Variants in ABR observed in about 807,000 individuals in gnomAD.
ABR encodes the protein ABR activator of RhoGEF and GTPase.
Under a neutral mutation model 107.2 loss-of-function variants are expected in ABR, and 35 were observed. That is an observed-to-expected ratio of 0.33 (90% CI 0.25 to 0.43). ABR has a LOEUF of 0.43. Among genes scored for constraint, ABR ranks in the 20% least tolerant of loss-of-function variants. The pLI is 1.00. For synonymous variants in ABR, 498 were observed against 462.0 expected (o/e 1.08, Z -1.00); for missense variants, 815 against 1,115.2 (o/e 0.73, Z 3.83).
intron 13 of ABR, 74 bp from the exon 14 acceptor site, chr17:1,056,183 A>G: frequency 7.5e-7 from 1 of 1,324,910 alleles, no homozygotes; most frequent in Non-Finnish European, 1.1e-6. Context: ...GGCCGGCGGG[A>G]GGCAGACGGG....
intron 1 of ABR, among the ~76,000 whole-genome samples, chr17:1,221,674 G>A (rs1384813632): frequency 4.6e-5 from 7 of 152,286 alleles, no homozygotes; most frequent in Admixed American, 2.0e-4. Context: ...AAGTCAAGGC[G>A]GGAGGGCTCT....
chr17:1,029,781 GGC>G (rs2072557001), intron 16 of ABR, among the ~76,000 whole-genome samples: 1 of 92,794 alleles, frequency 1.1e-5, no homozygotes, highest in Admixed American at 1.5e-4. Context: ...GGAAGCACAG[GGC>G]AGACGTCCCT....
At chr17:1,036,578 C>T (rs529326974) in intron 16 of ABR, among the ~76,000 whole-genome samples, 2 of 151,300 alleles carry the variant, frequency 1.3e-5, no homozygotes, top group South Asian at 2.1e-4. Flanking sequence ...TGCCCAAAGA[C>T]AGGTGCAGGC....
Position 1,092,600 on chromosome 17 carries a change from A to G in ABR, c.346-750T>C, listed in dbSNP as rs1040340600. On this transcript the variant is annotated intron_variant, in intron 3 of 22. Coordinates refer to ENST00000302538, the MANE Select transcript of ABR (RefSeq NM_021962.5). This position sits in a 1 kb window ranked among gnomAD's most constrained non-coding sequence, Gnocchi z 4.6. ...CCGGGAGCTGATGCCATCACCTTCCAGCCTAGCAGTGGGACCGTGGGATAA... is the reference window on the plus strand; with the variant it reads ...CCGGGAGCTGATGCCATCACCTTCCGGCCTAGCAGTGGGACCGTGGGATAA... Among the ~76,000 whole-genome samples, 45 of 152,278 alleles carry G rather than the reference A, an allele frequency of 3.0e-4. No individual in the cohort carries two copies. The highest frequency in any genetic ancestry group is 8.9e-4 in the African/African-American group (37 of 41,564).
At chr17:1,069,246 C>T (rs985596543) in intron 9 of ABR, among the ~76,000 whole-genome samples, 6 of 152,170 alleles carry the variant, frequency 3.9e-5, no homozygotes, top group African/African-American at 1.4e-4. Context: ...AGTCGGACCT[C>T]ATGCTTCAGT....
intron 1 of ABR, among the ~76,000 whole-genome samples, chr17:1,202,063 G>A (rs1023803926): frequency 6.6e-6 from 1 of 152,202 alleles, no homozygotes; most frequent in South Asian, 2.1e-4. Flanking sequence ...AGAGCAGCTA[G>A]ATTAAGAGAA....
rs779785651 is a variant in ABR, at chr17:1,051,966, C to T, written c.1562-1332G>A. 5.9e-5 allele frequency among the ~76,000 whole-genome samples: 9 copies of T among 151,758 alleles called. No individual in the cohort carries two copies. The highest frequency in any genetic ancestry group is 3.3e-4 in the Admixed American group (5 of 15,236). ...GCACATGCCTGTAGTCCCAGCTACT[C>T]GGGAGGCTGAGGCAGGACAATCGCT... On this transcript the variant is annotated intron_variant, in intron 14 of 22. Transcript: ENST00000302538. The surrounding 1 kb of genome is among the most constrained non-coding windows in gnomAD (Gnocchi z 4.3).
chr17:1,223,305 A>ACACACACACACACACG (rs1491223135), intron 1 of ABR, among the ~76,000 whole-genome samples: 1 of 23,662 alleles, frequency 4.2e-5, no homozygotes, highest in African/African-American at 1.2e-3. Context: ...ATCAGTAACA[A>ACACACACACACACACG]CACACACACA....
rs1476670673 is a variant in ABR, at chr17:1,009,757, T to C, written c.2264A>G (p.Asn755Ser). ...IALSDPAAKE[N>S]CMMHLLRSLP... ...GGAGCGGAGCAGGTGCATCATGCAG[T>C]TTTCCTTGGCAGCAGGGTCTGACAG... Residue 755 changes from asparagine to serine, a missense_variant, in exon 21 of 23, where the codon AAC becomes AGC. Asn to Ser is a conservative substitution (Grantham distance 46). Transcript: ENST00000302538. The C allele has an allele frequency of 1.2e-6, 2 of 1,613,902 alleles. No individual in the cohort carries two copies.
intron 1 of ABR, among the ~76,000 whole-genome samples, chr17:1,205,866 C>T (rs1444102115): frequency 6.6e-6 from 1 of 152,130 alleles, no homozygotes; most frequent in Non-Finnish European, 1.5e-5. Flanking sequence ...TCACTTGAAC[C>T]AGGAGGTGGC....
At chr17:1,121,943 C>A (rs1040552079) in intron 2 of ABR, among the ~76,000 whole-genome samples, 1 of 152,202 alleles carries the variant, frequency 6.6e-6, no homozygotes, top group Non-Finnish European at 1.5e-5. Context: ...CGCTTTGTCA[C>A]CCAGGCTGGA....
chr17:1,072,868 C>G (rs2035354627), intron 7 of ABR, 114 bp from the exon 8 acceptor site: 2 of 1,341,618 alleles, frequency 1.5e-6, no homozygotes, highest in South Asian at 2.9e-5. Context: ...CTGCCTAATT[C>G]CCGCAAAATC....
At position 1,027,150 on chromosome 17, in the gene ABR, C is replaced by T. The variant is rs543577138; in HGVS notation, c.1792-13986G>A. ...GTACTACAGCAACACTGGGCTCAGG[C>T]AGCTTTGGCCTTTGAGGAACCCCCT... On this transcript the variant is annotated intron_variant, in intron 16 of 22. Transcript: ENST00000302538. The surrounding 1 kb of genome is among the most constrained non-coding windows in gnomAD (Gnocchi z 4.7). 8.5e-5 allele frequency among the ~76,000 whole-genome samples: 13 copies of T among 152,356 alleles called. No individual in the cohort carries two copies. In the East Asian group the frequency reaches 2.3e-3, roughly 27 times the overall value.
intron 2 of ABR, among the ~76,000 whole-genome samples, chr17:1,101,604 T>A (rs912657362): frequency 1.3e-5 from 2 of 152,228 alleles, no homozygotes; most frequent in Non-Finnish European, 2.9e-5. Context: ...CTGGGCTATG[T>A]GTCCATTTAT....
At chr17:1,177,453 C>T (rs1436023997) in intron 1 of ABR, among the ~76,000 whole-genome samples, 3 of 152,216 alleles carry the variant, frequency 2.0e-5, no homozygotes, top group Non-Finnish European at 4.4e-5. Context: ...TGCCAATCTG[C>T]CTGAATCAGG....
At chr17:1,178,899 A>C (rs1408062425) in intron 1 of ABR, among the ~76,000 whole-genome samples, 1 of 151,738 alleles carries the variant, frequency 6.6e-6, no homozygotes, top group African/African-American at 2.4e-5. Flanking sequence ...AAGCCCCCCC[A>C]CACCATTACC....
At chr17:1,217,225 C>T (rs374968900) in intron 1 of ABR, among the ~76,000 whole-genome samples, 4 of 152,164 alleles carry the variant, frequency 2.6e-5, no homozygotes, top group Admixed American at 6.5e-5. Context: ...GAGCACAGTG[C>T]GGCCGCCTCA....
Position 1,011,891 on chromosome 17 carries a change from C to T in ABR, c.2056G>A (p.Gly686Ser). The change falls in exon 19 of 23, where the codon GGC (glycine) becomes AGC (serine). Residue 686 changes from glycine to serine, a missense_variant. By Grantham distance (56) the Gly-to-Ser change is moderately conservative. Transcript: ENST00000302538. This position sits in a 1 kb window ranked among gnomAD's most constrained non-coding sequence, Gnocchi z 4.8. ...AGCGCCTGGATGTCCGTGGCCACGC[C>T]CGATATCCTGTAGATGCCAACCTCC... is the stretch of plus-strand genomic sequence containing the variant. ...IEEVGIYRIS[G>S]VATDIQALKA... The T allele has an allele frequency of 6.2e-7, 1 of 1,607,502 alleles. No individual in the cohort carries two copies. Among genetic ancestry groups the T allele is most frequent in the Non-Finnish European group, 8.5e-7 (1 of 1,175,316 alleles).
intron 6 of ABR, among the ~76,000 whole-genome samples, chr17:1,076,718 GGGGGT>G (rs1442945723): frequency 2.7e-4 from 30 of 112,898 alleles, no homozygotes; most frequent in East Asian, 7.9e-4. Context: ...GGTGCACGGG[GGGGGT>G]GGGGGTGGGG....
Sources: allele counts gnomAD v4.1 joint callset (sites outside exome capture counted in the v4.1 genomes callset), GRCh38; gene constraint gnomAD v4.1.1; non-coding constraint Gnocchi (gnomAD v3.1); transcripts MANE v1.5; gene names NCBI Gene and HGNC (gene_info 2026-07-23, HGNC 2026-07-21).